The following ME3 variants were observed in gnomAD, a reference collection of about 807,000 sequenced individuals.
ME3 encodes the protein malic enzyme 3, also known as NADP-dependent malic enzyme, mitochondrial.
In ME3, 48 loss-of-function variants were observed where a neutral mutation model predicts 68.9. The observed-to-expected ratio is 0.70, with a 90% CI of 0.55 to 0.89. The LOEUF (loss-of-function observed/expected upper bound fraction) is 0.89. Among genes scored for constraint, ME3 ranks in the 40% least tolerant of loss-of-function variants. ME3 has a pLI of 0.00. For synonymous variants in ME3, 320 were observed against 318.8 expected (o/e 1.00, Z -0.04); for missense variants, 675 against 797.4 (o/e 0.85, Z 1.85).
chr11:86,641,681 A>T (rs10898516), intron 2 of ME3, among the ~76,000 whole-genome samples: 17,987 of 152,186 alleles, frequency 0.12, 1,537 homozygotes, highest in East Asian at 0.39. Flanking sequence ...GAACTATAAG[A>T]CTTCTAGTCT....
At chr11:86,471,892 G>T (rs185451376) in intron 7 of ME3, among the ~76,000 whole-genome samples, 20 of 152,286 alleles carry the variant, frequency 1.3e-4, no homozygotes, top group Admixed American at 1.1e-3. Flanking sequence ...TTTCACAGTT[G>T]AATGGGGACA....
intron 10 of ME3, among the ~76,000 whole-genome samples, chr11:86,449,651 T>A (rs1431309168): frequency 1.3e-5 from 2 of 152,166 alleles, no homozygotes; most frequent in African/African-American, 4.8e-5. Context: ...CTAGTGCAAG[T>A]CAGGAAGTGG....
chr11:86,607,525 A>G (rs1961874868), intron 2 of ME3, among the ~76,000 whole-genome samples: 1 of 150,996 alleles, frequency 6.6e-6, no homozygotes, highest in Non-Finnish European at 1.5e-5. Flanking sequence ...CATCAGAAAA[A>G]AGGCAAACTA....
chr11:86,555,041 T>C (rs1449290061), intron 4 of ME3, among the ~76,000 whole-genome samples: 3 of 151,926 alleles, frequency 2.0e-5, no homozygotes, highest in African/African-American at 7.3e-5. Flanking sequence ...GGGTGGGCCT[T>C]GAAGGATAAC....
intron 2 of ME3, among the ~76,000 whole-genome samples, chr11:86,583,625 A>G (rs1339704051): frequency 6.6e-6 from 1 of 152,010 alleles, no homozygotes; most frequent in East Asian, 1.9e-4. Flanking sequence ...GACATAAGGA[A>G]CCCCAGGAGT....
At chr11:86,480,491 CTTTACCTAACTAATGAG>C (rs1282797495) in intron 7 of ME3, among the ~76,000 whole-genome samples, 3 of 152,214 alleles carry the variant, frequency 2.0e-5, no homozygotes, top group Non-Finnish European at 4.4e-5. Context: ...TCACCACTGT[CTTTACCTAACTAATGAG>C]TTTGCCATCT....
At chr11:86,477,744 A>G (rs1472593278) in intron 7 of ME3, among the ~76,000 whole-genome samples, 1 of 152,136 alleles carries the variant, frequency 6.6e-6, no homozygotes, top group Admixed American at 6.5e-5. Flanking sequence ...GACCTTAACT[A>G]GTGAACTGCA....
intron 4 of ME3, among the ~76,000 whole-genome samples, chr11:86,535,037 T>C (rs777441415): frequency 1.3e-5 from 2 of 152,174 alleles, no homozygotes; most frequent in Non-Finnish European, 2.9e-5. Context: ...CTGGCCTAGG[T>C]AGAGGTTTAC....
At chr11:86,533,834 C>T (rs1429417820) in intron 4 of ME3, among the ~76,000 whole-genome samples, 2 of 151,992 alleles carry the variant, frequency 1.3e-5, no homozygotes, top group African/African-American at 2.4e-5. Flanking sequence ...TTACACAAAC[C>T]TAGATGGTAT....
intron 7 of ME3, among the ~76,000 whole-genome samples, chr11:86,468,285 A>G (rs957428236): frequency 2.0e-5 from 3 of 152,126 alleles, no homozygotes; most frequent in African/African-American, 7.2e-5. Flanking sequence ...CTATCTTAGC[A>G]CCATCCATTT....
chr11:86,671,311 G>A (rs1436133426), intron 2 of ME3, among the ~76,000 whole-genome samples: 2 of 152,080 alleles, frequency 1.3e-5, no homozygotes, highest in African/African-American at 2.4e-5. Context: ...CTCCCACTGG[G>A]TACCAGGCAC....
chr11:86,648,913 C>G (rs1259625449), intron 2 of ME3, among the ~76,000 whole-genome samples: 1 of 152,150 alleles, frequency 6.6e-6, no homozygotes, highest in Non-Finnish European at 1.5e-5. Context: ...GGTACCATTC[C>G]TTCTAAAACT....
chr11:86,601,735 C>T (rs1322115941), intron 2 of ME3, among the ~76,000 whole-genome samples: 1 of 151,884 alleles, frequency 6.6e-6, no homozygotes, highest in African/African-American at 2.4e-5. Flanking sequence ...TCCAGCAGCA[C>T]ATCAAAAAGC....
At chr11:86,559,583 C>G (rs1957098048) in intron 3 of ME3, 107 bp downstream of exon 3, 10 of 1,384,360 alleles carry the variant, frequency 7.2e-6, no homozygotes, top group Admixed American at 2.2e-5. Flanking sequence ...TCTTTGGGCT[C>G]TCAGCCTTTT....
intron 2 of ME3, among the ~76,000 whole-genome samples, chr11:86,637,167 G>A (rs555142717): frequency 2.3e-4 from 35 of 151,832 alleles, no homozygotes; most frequent in Non-Finnish European, 4.1e-4. Flanking sequence ...ATCTATACAC[G>A]TACATTCAGG....
chr11:86,451,589 C>T (rs755431743), intron 8 of ME3, among the ~76,000 whole-genome samples: 1 of 152,180 alleles, frequency 6.6e-6, no homozygotes, highest in Non-Finnish European at 1.5e-5. Flanking sequence ...CAATGCTGAG[C>T]TCCTTATGGG....
chr11:86,491,996 A>T (rs1952038516), intron 6 of ME3, among the ~76,000 whole-genome samples: 1 of 152,226 alleles, frequency 6.6e-6, no homozygotes, highest in Non-Finnish European at 1.5e-5. Flanking sequence ...CGCAGGGGAA[A>T]GGACACTGCT....
At chr11:86,486,315 A>G (rs976320962) in intron 7 of ME3, among the ~76,000 whole-genome samples, 1 of 152,246 alleles carries the variant, frequency 6.6e-6, no homozygotes, top group South Asian at 2.1e-4. Flanking sequence ...CTCATCTTAA[A>G]AAACAAAACA....
At chr11:86,504,489 C>T (rs552507218) in intron 5 of ME3, among the ~76,000 whole-genome samples, 1 of 146,988 alleles carries the variant, frequency 6.8e-6, no homozygotes, top group Non-Finnish European at 1.5e-5. Flanking sequence ...CTCCCAGGCT[C>T]AAGTGATTCT....
Sources: gnomAD v4.1 joint callset for allele counts (sites outside exome capture counted in the v4.1 genomes callset) on GRCh38, gnomAD v4.1.1 for gene constraint, MANE v1.5 for transcripts, NCBI Gene and HGNC (gene_info 2026-07-23, HGNC 2026-07-21) for gene names.